Variants in EML6 observed in about 807,000 individuals in gnomAD.
EML6 encodes the protein EMAP like 6.
In EML6, 154 loss-of-function variants were observed where a neutral mutation model predicts 240.1. The ratio of observed to expected loss-of-function variants is 0.64; its 90% confidence interval spans 0.56 to 0.73. The LOEUF is 0.73. Ranked by LOEUF, EML6 falls within the 30% of genes least tolerant of loss-of-function variation. EML6 has a pLI of 0.00. For synonymous variants in EML6, 1,148 were observed against 899.0 expected (o/e 1.28, Z -4.95); for missense variants, 2,964 against 2,474.6 (o/e 1.20, Z -4.20).
At chr2:54,783,075 A>G (rs1668921275) in intron 2 of EML6, among the ~76,000 whole-genome samples, 1 of 152,206 alleles carries the variant, frequency 6.6e-6, no homozygotes, top group African/African-American at 2.4e-5. Flanking sequence ...AAGTTAATAT[A>G]GGTATGTATG....
At chr2:54,784,022 T>C (rs974177021) in intron 2 of EML6, among the ~76,000 whole-genome samples, 1 of 152,090 alleles carries the variant, frequency 6.6e-6, no homozygotes, top group African/African-American at 2.4e-5. Context: ...TCATAGTTCA[T>C]GGTAGCCTCG....
chr2:54,736,729 T>C (rs1683412363), intron 2 of EML6, among the ~76,000 whole-genome samples: 1 of 152,162 alleles, frequency 6.6e-6, no homozygotes, highest in Non-Finnish European at 1.5e-5. Flanking sequence ...TTTTCTTTCC[T>C]CATCATTGTG....
intron 5 of EML6, among the ~76,000 whole-genome samples, chr2:54,826,558 C>T (rs1258365230): frequency 2.6e-5 from 4 of 152,184 alleles, no homozygotes; most frequent in African/African-American, 9.7e-5. Context: ...CAAGATCGGG[C>T]CACTGCACTC....
At chr2:54,954,928 C>G (rs937780444) in intron 32 of EML6, among the ~76,000 whole-genome samples, 1 of 152,238 alleles carries the variant, frequency 6.6e-6, no homozygotes, top group African/African-American at 2.4e-5. Flanking sequence ...TCACTTCTCC[C>G]ATCCAGGGCT....
intron 26 of EML6, among the ~76,000 whole-genome samples, chr2:54,918,417 C>T (rs958309931): frequency 6.6e-6 from 1 of 152,162 alleles, no homozygotes; most frequent in Non-Finnish European, 1.5e-5. Flanking sequence ...GGCACGATCA[C>T]CGCTCACTGC....
chr2:54,947,087 C>G (rs1311591635), intron 28 of EML6, among the ~76,000 whole-genome samples: 2 of 152,048 alleles, frequency 1.3e-5, no homozygotes, highest in African/African-American at 2.4e-5. Context: ...TGTGTTTATC[C>G]TCAAATAATG....
rs148778416 is a variant in EML6 at position 54,797,567 on chromosome 2, A to G, written c.198-15665A>G. Among the ~76,000 whole-genome samples, 47 of 152,256 alleles carry G rather than the reference A, an allele frequency of 3.1e-4. 2 individuals are homozygous for G. In the East Asian group the frequency reaches 8.9e-3, roughly 29 times the overall value. ...GCATGTAAAGTCATGTTTATATTGT[A>G]GTCTACTAAGTGTGCAATAGCATTA... On this transcript the variant is annotated intron_variant, in intron 2 of 41. Transcript: ENST00000356458.
chr2:54,944,772 CTG>C (rs2104459460), intron 28 of EML6, among the ~76,000 whole-genome samples: 1 of 152,198 alleles, frequency 6.6e-6, no homozygotes, highest in Non-Finnish European at 1.5e-5. Flanking sequence ...CTAAGTATCT[CTG>C]TACATGATTC....
At chr2:54,885,707 G>A (rs1366711991) in intron 17 of EML6, among the ~76,000 whole-genome samples, 1 of 152,034 alleles carries the variant, frequency 6.6e-6, no homozygotes, top group Non-Finnish European at 1.5e-5. Context: ...CACCTCCCAG[G>A]TTCACGCCAT....
rs936607568 is a variant in EML6 at position 54,871,670 on chromosome 2, G to A, written c.2344+65G>A. On this transcript the variant is annotated intron_variant, in intron 16 of 41. Coordinates refer to ENST00000356458, the MANE Select transcript of EML6 (RefSeq NM_001039753.4). ...AGAGAGAGAGACACAGAGAGAGTATGCCCCGCGCATGCGCGCACGCGTGTG... is the reference window on the plus strand; with the variant it reads ...AGAGAGAGAGACACAGAGAGAGTATACCCCGCGCATGCGCGCACGCGTGTG... The A allele has an allele frequency of 3.3e-6, 4 of 1,203,848 alleles. No individual in the cohort carries two copies. The South Asian group carries it at 3.9e-5, about 12-fold the overall frequency. The allele number at this position is 1,203,848 out of a possible 1,614,324, so 74.6% of individuals were successfully genotyped here.
intron 6 of EML6, 81 bp downstream of exon 6, chr2:54,827,832 C>A (rs997529858): frequency 4.9e-6 from 5 of 1,020,706 alleles, no homozygotes; most frequent in Non-Finnish European, 7.3e-6. Context: ...TGTTTCCCTT[C>A]TTGCTTTAGA....
chr2:54,795,752 A>T (rs1372680405), intron 2 of EML6, among the ~76,000 whole-genome samples: 1 of 152,134 alleles, frequency 6.6e-6, no homozygotes, highest in Non-Finnish European at 1.5e-5. Flanking sequence ...ATAATATGTG[A>T]TTTCCCCCGA....
intron 2 of EML6, among the ~76,000 whole-genome samples, chr2:54,779,429 T>C (rs905726582): frequency 6.6e-5 from 10 of 150,826 alleles, no homozygotes; most frequent in African/African-American, 2.4e-4. Context: ...GCCTGTAATC[T>C]CAGCTACTCT....
In EML6 at chr2:54,879,634, C is replaced by G; in HGVS notation, c.2432C>G (p.Thr811Arg). The G allele has an allele frequency of 6.5e-7, 1 of 1,546,456 alleles. No homozygotes were observed. Among genetic ancestry groups the G allele is most frequent in the Non-Finnish European group, 8.8e-7 (1 of 1,141,850 alleles). ...WDWKKGEKIA[T>R]TRGHKDKIFV... is the part of the protein sequence containing the mutation. The stretch of plus-strand genomic sequence containing the variant: ...TGGAAAAAGGGAGAAAAGATAGCCA[C>G]AACAAGGTAAGAAGCTGCCGGGATC... The change falls in exon 17 of 42, where the codon ACA becomes AGA. Residue 811 changes from threonine (T) to arginine (R), a missense_variant. Thr to Arg is a moderately conservative substitution (Grantham distance 71). Transcript: ENST00000356458.
intron 2 of EML6, among the ~76,000 whole-genome samples, chr2:54,765,694 T>C (rs1258679218): frequency 6.6e-6 from 1 of 152,144 alleles, no homozygotes. Context: ...TCTCCTGACC[T>C]CGTGATCCAC....
rs1370627791 is a variant in EML6, at chr2:54,887,848, C to T, written c.2439-3206C>T. On this transcript the variant is annotated intron_variant, in intron 17 of 41. Transcript: ENST00000356458. ...CCTCCTGCCTCCTCATATGCACAGC[C>T]TCCCCTACTATCACCCTCCTGCACT... is the stretch of plus-strand genomic sequence containing the variant. Among the ~76,000 whole-genome samples, 3 of 152,144 alleles carry T rather than the reference C, an allele frequency of 2.0e-5. No homozygotes were observed. The East Asian group carries it at 5.8e-4, about 29-fold the overall frequency.
intron 2 of EML6, among the ~76,000 whole-genome samples, chr2:54,799,101 C>G (rs1166440776): frequency 6.6e-6 from 1 of 152,114 alleles, no homozygotes; most frequent in African/African-American, 2.4e-5. Context: ...TGTTCTGTCT[C>G]CCAGGCTGGA....
intron 15 of EML6, among the ~76,000 whole-genome samples, chr2:54,870,401 A>T (rs544803073): frequency 6.7e-6 from 1 of 149,734 alleles, no homozygotes; most frequent in East Asian, 1.9e-4. Flanking sequence ...TGGCCCTCCA[A>T]CTGAAAAGGT....
intron 2 of EML6, among the ~76,000 whole-genome samples, chr2:54,770,558 C>T (rs866807274): frequency 2.0e-5 from 3 of 152,282 alleles, no homozygotes; most frequent in Middle Eastern, 3.4e-3. Context: ...TTTCTTAATT[C>T]CATAATCATC....
Sources: allele counts gnomAD v4.1 joint callset (sites outside exome capture counted in the v4.1 genomes callset), GRCh38; gene constraint gnomAD v4.1.1; transcripts MANE v1.5; gene names NCBI Gene and HGNC (gene_info 2026-07-23, HGNC 2026-07-21).